The following ESRRG variants were observed in gnomAD, a reference collection of about 807,000 sequenced individuals.
ESRRG encodes the protein estrogen related receptor gamma.
ESRRG carries 13 observed loss-of-function variants against 44.0 expected under a neutral mutation model. The observed-to-expected ratio is 0.30, with a 90% CI of 0.19 to 0.47. ESRRG has a LOEUF of 0.47. ESRRG is among the 20% of genes least tolerant of loss of function. The probability of loss-of-function intolerance (pLI) is 1.00; values close to 1 mark genes in which losing one functional copy is unlikely to be tolerated. For missense variants in ESRRG, 395 were observed against 580.6 expected (o/e 0.68, Z 3.29); for synonymous variants, 215 against 214.6 (o/e 1.00, Z -0.02).
chr1:216,577,534 T>G (rs1324889078), intron 3 of ESRRG, among the ~76,000 whole-genome samples: 1 of 151,954 alleles, frequency 6.6e-6, no homozygotes, highest in South Asian at 2.1e-4. Flanking sequence ...CCAATAATAA[T>G]AGTTATAACA....
intron 1 of ESRRG, among the ~76,000 whole-genome samples, chr1:217,046,013 G>A (rs2084810045): frequency 6.6e-6 from 1 of 151,958 alleles, no homozygotes; most frequent in South Asian, 2.1e-4. Context: ...AATGACAAGA[G>A]GAACACAATA....
rs555889369 is a variant in ESRRG at position 216,828,570 on chromosome 1, C to T, written c.-14+111012G>A. ...CATGTGACCAGAATACACACCTTCGCCATGATCTTTACCTTAATATTTTAG... is the reference window on the plus strand; with the variant it reads ...CATGTGACCAGAATACACACCTTCGTCATGATCTTTACCTTAATATTTTAG... On this transcript the variant is annotated intron_variant, in intron 2 of 7. Coordinates refer to the ESRRG transcript ENST00000359162. Among the ~76,000 whole-genome samples the T allele has an allele frequency of 1.9e-3, 294 of 152,230 alleles. 3 individuals carry two copies. Among genetic ancestry groups the T allele is most frequent in the Non-Finnish European group, 3.4e-3 (228 of 68,018 alleles).
intron 1 of ESRRG, among the ~76,000 whole-genome samples, chr1:217,085,125 G>A (rs114189078): frequency 0.04 from 3,641 of 92,136 alleles, 150 homozygotes; most frequent in African/African-American, 0.12. Flanking sequence ...TAAATGAATG[G>A]TATCTAACCT....
intron 3 of ESRRG, among the ~76,000 whole-genome samples, chr1:216,616,607 C>A (rs2150391095): frequency 6.6e-6 from 1 of 152,282 alleles, no homozygotes; most frequent in South Asian, 2.1e-4. Flanking sequence ...AGATTACATC[C>A]TTTACTTTTT....
chr1:216,945,202 G>A (rs937627147), intron 1 of ESRRG, among the ~76,000 whole-genome samples: 1 of 152,090 alleles, frequency 6.6e-6, no homozygotes, highest in Non-Finnish European at 1.5e-5. Context: ...AAAGGGGAGG[G>A]AAAAGTGGGT....
intron 3 of ESRRG, among the ~76,000 whole-genome samples, chr1:216,645,509 T>C (rs1355517547): frequency 6.6e-6 from 1 of 152,112 alleles, no homozygotes; most frequent in Non-Finnish European, 1.5e-5. Context: ...GAATGGAGAC[T>C]CTTAGAGATG....
chr1:216,976,280 T>C (rs993029361), intron 1 of ESRRG, among the ~76,000 whole-genome samples: 10 of 130,076 alleles, frequency 7.7e-5, no homozygotes, highest in African/African-American at 2.8e-4. Context: ...TAGAAAATGC[T>C]CCTAAATGTG....
intron 1 of ESRRG, among the ~76,000 whole-genome samples, chr1:217,124,159 C>T (rs920290029): frequency 8.5e-5 from 13 of 152,202 alleles, no homozygotes; most frequent in East Asian, 1.9e-4. Context: ...TTGCATTTAA[C>T]TCCTCTTTGT....
chr1:216,956,539 T>C (rs991040483), intron 1 of ESRRG, among the ~76,000 whole-genome samples: 2 of 152,204 alleles, frequency 1.3e-5, no homozygotes, highest in African/African-American at 4.8e-5. Context: ...TCAGGTAGTG[T>C]GATGCCTCCA....
At chr1:216,804,927 G>C (rs1485976088) in intron 2 of ESRRG, 1 of 152,150 alleles carries the variant, frequency 6.6e-6, no homozygotes, top group African/African-American at 2.4e-5. Context: ...TACAAATAGA[G>C]GAACATTGTA....
At chr1:217,069,305 C>A (rs1290121042) in intron 1 of ESRRG, among the ~76,000 whole-genome samples, 2 of 152,100 alleles carry the variant, frequency 1.3e-5, no homozygotes, top group Admixed American at 1.3e-4. Context: ...GCTATCCTTG[C>A]TCCTCAGCTT....
chr1:217,119,425 A>T (rs1270448320), intron 1 of ESRRG, among the ~76,000 whole-genome samples: 1 of 152,212 alleles, frequency 6.6e-6, no homozygotes, highest in African/African-American at 2.4e-5. Context: ...TGGACCATGT[A>T]AATCTGAATC....
chr1:216,839,444 T>C lies in ESRRG; in HGVS notation c.-14+100138A>G, dbSNP rs2095616341. Among the ~76,000 whole-genome samples, 4 of 152,306 alleles carry C rather than the reference T, an allele frequency of 2.6e-5. No homozygotes were observed. In the South Asian group the frequency reaches 8.3e-4, roughly 32 times the overall value. ...TTAATGTGGATATTTTGACCACCTT[T>C]TATGAATCACAAATGTTCTGAATTG... On this transcript the variant is annotated intron_variant, in intron 2 of 7. Transcript: ENST00000359162.
intron 3 of ESRRG, among the ~76,000 whole-genome samples, chr1:216,629,390 G>A (rs896782853): frequency 2.0e-5 from 3 of 152,074 alleles, no homozygotes; most frequent in African/African-American, 7.2e-5. Flanking sequence ...TGCCCATTGG[G>A]TTTATATGGA....
chr1:216,641,605 C>G (rs769855588), intron 3 of ESRRG, among the ~76,000 whole-genome samples: 1 of 152,152 alleles, frequency 6.6e-6, no homozygotes, highest in Non-Finnish European at 1.5e-5. Context: ...AAAAACTCAG[C>G]CAGAGACTAA....
intron 1 of ESRRG, among the ~76,000 whole-genome samples, chr1:217,033,193 A>C (rs2082328123): frequency 6.6e-6 from 1 of 152,224 alleles, no homozygotes; most frequent in Non-Finnish European, 1.5e-5. Context: ...GAGGGAAGAC[A>C]CTGAAAGACA....
chr1:216,674,115 A>G (rs1210685387), intron 2 of ESRRG, among the ~76,000 whole-genome samples: 2 of 152,250 alleles, frequency 1.3e-5, no homozygotes, highest in African/African-American at 4.8e-5. Context: ...TTTGAATTGT[A>G]TATACTTTGT....
At chr1:216,606,397 G>GT (rs2059936861) in intron 3 of ESRRG, among the ~76,000 whole-genome samples, 1 of 152,214 alleles carries the variant, frequency 6.6e-6, no homozygotes, top group Non-Finnish European at 1.5e-5. Context: ...CTCTCACACA[G>GT]TGTAATGTGT....
chr1:217,031,935 C>T (rs1208481197), intron 1 of ESRRG, among the ~76,000 whole-genome samples: 2 of 152,282 alleles, frequency 1.3e-5, no homozygotes, highest in Admixed American at 6.5e-5. Context: ...ATAAATTACT[C>T]AGTCTTCAGC....
Sources: allele counts gnomAD v4.1 joint callset (sites outside exome capture counted in the v4.1 genomes callset), GRCh38; gene constraint gnomAD v4.1.1; transcripts MANE v1.5; gene names NCBI Gene and HGNC (gene_info 2026-07-23, HGNC 2026-07-21).